Variants in CCT7 observed in about 807,000 individuals in gnomAD.
CCT7 encodes T-complex protein 1 subunit eta.
Under a neutral mutation model 56.6 loss-of-function variants are expected in CCT7, and 16 were observed. The observed-to-expected ratio is 0.28, with a 90% CI of 0.19 to 0.43. The LOEUF (loss-of-function observed/expected upper bound fraction) is 0.43, where lower values mean the gene tolerates loss of function less well. CCT7 is among the 20% of genes least tolerant of loss of function. CCT7 has a pLI of 1.00. For missense variants in CCT7, 519 were observed against 685.6 expected, an observed-to-expected ratio of 0.76 and a Z score of 2.71; for synonymous variants, 262 against 254.8, an observed-to-expected ratio of 1.03 and a Z score of -0.27.
At chr2:73,252,347 AT>A (rs1687630083) in intron 11 of CCT7, among the ~76,000 whole-genome samples, 1 of 148,786 alleles carries the variant, frequency 6.7e-6, no homozygotes, top group Non-Finnish European at 1.5e-5. Flanking sequence ...ATATATATAT[AT>A]ATAGTCCTCA....
chr2:73,243,155 C>T lies in CCT7; in HGVS notation c.393+26C>T, dbSNP rs1343433196. The T allele has an allele frequency of 5.0e-6, 8 of 1,609,536 alleles. No homozygotes were observed. In the African/African-American group the frequency reaches 6.7e-5, roughly 13 times the overall value. On this transcript the variant is annotated intron_variant, in intron 4 of 11. Coordinates refer to ENST00000258091, the MANE Select transcript of CCT7 (RefSeq NM_006429.4). ...GTATGGCAGTACTGATTAACCTTCTCTTGGGCCTGGACACCTTCACATTTC... is the reference window on the plus strand; with the variant it reads ...GTATGGCAGTACTGATTAACCTTCTTTTGGGCCTGGACACCTTCACATTTC...
intron 11 of CCT7, 98 bp from the exon 12 acceptor site, chr2:73,252,534 TTCAGAGAG>T: frequency 3.5e-6 from 3 of 850,196 alleles, no homozygotes; most frequent in Non-Finnish European, 5.7e-6. Context: ...TGCCACCAAG[TTCAGAGAG>T]TCTGCGGGTT....
intron 1 of CCT7, 192 bp from the exon 2 acceptor site, chr2:73,239,451 G>T (rs573118525): frequency 3.5e-6 from 2 of 578,600 alleles, no homozygotes; most frequent in Non-Finnish European, 6.1e-6. Context: ...TGCAGGGTAG[G>T]CTAAATTTGA....
chr2:73,234,540 C>T (rs2103747959), intron 1 of CCT7, among the ~76,000 whole-genome samples, 156 bp downstream of exon 1: 1 of 152,348 alleles, frequency 6.6e-6, no homozygotes, highest in South Asian at 2.1e-4. Context: ...CAGCCGCGGC[C>T]TGGCTCGGCC....
At chr2:73,234,510 A>G in intron 1 of CCT7, 126 bp downstream of exon 1, 1 of 1,160,570 alleles carries the variant, frequency 8.6e-7, no homozygotes, top group Non-Finnish European at 1.2e-6. Context: ...CCAGATCCCC[A>G]GCTTAGGGGC....
chr2:73,234,687 C>T (rs758680568), intron 1 of CCT7, among the ~76,000 whole-genome samples: 8 of 152,228 alleles, frequency 5.3e-5, no homozygotes, highest in Admixed American at 3.3e-4. Flanking sequence ...TTTAGCCCCG[C>T]ATGATCGGGA....
chr2:73,234,682 C>T (rs1217209224), intron 1 of CCT7, among the ~76,000 whole-genome samples: 3 of 152,198 alleles, frequency 2.0e-5, no homozygotes, highest in Non-Finnish European at 4.4e-5. Context: ...TCTTTTTTAG[C>T]CCCGCATGAT....
intron 1 of CCT7, among the ~76,000 whole-genome samples, chr2:73,236,635 G>A (rs1314870005): frequency 6.6e-6 from 1 of 152,132 alleles, no homozygotes; most frequent in South Asian, 2.1e-4. Flanking sequence ...CACCGCACCC[G>A]ACCTTGTTTC....
chr2:73,235,220 TTC>T (rs1686825353), intron 1 of CCT7, among the ~76,000 whole-genome samples: 1 of 152,180 alleles, frequency 6.6e-6, no homozygotes, highest in South Asian at 2.1e-4. Context: ...CACACTTCTT[TTC>T]TCTGTCTCTC....
At position 73,239,606 on chromosome 2, in the gene CCT7, A is replaced by G. The variant is rs377610448; in HGVS notation, c.7-37A>G. ...TCCCCTGCCAGTCTCATTATAATAG[A>G]TGATTATTAAAAGCAGTTAATTTCT... is the stretch of plus-strand genomic sequence containing the variant. On this transcript the variant is annotated intron_variant, in intron 1 of 11. Coordinates refer to ENST00000258091, the MANE Select transcript of CCT7 (RefSeq NM_006429.4). The G allele has an allele frequency of 1.7e-3, 2,691 of 1,592,008 alleles. 5 individuals carry two copies. The highest frequency in any genetic ancestry group is 2.3e-3 in the South Asian group (209 of 89,992).
intron 4 of CCT7, chr2:73,243,794 T>C (rs1304858767): frequency 3.4e-6 from 2 of 593,750 alleles, no homozygotes; most frequent in Non-Finnish European, 6.0e-6. Flanking sequence ...ATACCCACTC[T>C]GCATTTCTGA....
At chr2:73,241,638 C>T (rs1243190211) in intron 3 of CCT7, among the ~76,000 whole-genome samples, 1 of 152,020 alleles carries the variant, frequency 6.6e-6, no homozygotes, top group African/African-American at 2.4e-5. Flanking sequence ...TTAGAAAGCT[C>T]TTTTTCTTTT....
intron 7 of CCT7, 51 bp from the exon 8 acceptor site, chr2:73,248,940 T>C: frequency 6.7e-7 from 1 of 1,483,028 alleles, no homozygotes; most frequent in Non-Finnish European, 9.3e-7. Flanking sequence ...CCCTACCGTA[T>C]ATGTCAACCT....
chr2:73,250,656 G>A (rs1178086291), intron 10 of CCT7, among the ~76,000 whole-genome samples: 1 of 152,014 alleles, frequency 6.6e-6, no homozygotes, highest in Non-Finnish European at 1.5e-5. Flanking sequence ...TGTTCTTTTA[G>A]CCGGGCGTGG....
At position 73,240,487 on chromosome 2, in the gene CCT7, G is replaced by A. The variant is rs11544995; in HGVS notation, c.211G>A (p.Val71Ile). Residue 71 changes from valine to isoleucine, a missense_variant, in exon 3 of 12, where the codon GTT becomes ATT. Physicochemically the swap from Val to Ile is conservative, Grantham distance 29. Transcript: ENST00000258091. ...DGATILKLLD[V>I]VHPAAKTLVD... is the part of the protein sequence containing the mutation. ...GGCCACAATTCTGAAACTTCTTGAT[G>A]TTGTCCATCCTGCAGCAAAGACTTT... 1.2e-6 allele frequency: 2 copies of A among 1,612,372 alleles called. No individual in the cohort carries two copies. Among genetic ancestry groups the A allele is most frequent in the Non-Finnish European group, 1.7e-6 (2 of 1,179,022 alleles).
chr2:73,239,604 A>C (rs1458682300), intron 1 of CCT7, 39 bp from the exon 2 acceptor site: 4 of 1,586,284 alleles, frequency 2.5e-6, no homozygotes, highest in Non-Finnish European at 3.5e-6. Context: ...TCATTATAAT[A>C]GATGATTATT....
rs1286979820 is a variant in CCT7 at position 73,247,841 on chromosome 2, A to G, written c.698A>G (p.His233Arg). 1.9e-6 allele frequency: 3 copies of G among 1,614,056 alleles called. No individual in the cohort carries two copies. The highest frequency in any genetic ancestry group is 2.5e-6 in the Non-Finnish European group (3 of 1,180,030). Reference protein sequence around the residue: ...AGFEMQPKKYHNPKIALLNVE... With the variant: ...AGFEMQPKKYRNPKIALLNVE... The stretch of plus-strand genomic sequence containing the variant: ...TTTGAAATGCAACCCAAAAAGTACC[A>G]CAATCCCAAGATTGCCCTTTTGAAT... The change falls in exon 7 of 12, where the codon CAC (histidine) becomes CGC (arginine). Residue 233 changes from histidine (H) to arginine (R), a missense_variant. Physicochemically the swap from His to Arg is conservative, Grantham distance 29 (BLOSUM62 0). Around this residue, in one of 3 missense-constraint regions of CCT7, gnomAD observed 276 missense variants for 357.3 expected, o/e 0.77. Coordinates refer to ENST00000258091, the MANE Select transcript of CCT7 (RefSeq NM_006429.4).
In CCT7 at chr2:73,249,075, T is replaced by A; in HGVS notation, c.868T>A (p.Leu290Met). The A allele has an allele frequency of 6.2e-7, 1 of 1,614,206 alleles. No individual in the cohort carries two copies. Among genetic ancestry groups the A allele is most frequent in the Non-Finnish European group, 8.5e-7 (1 of 1,180,030 alleles). Reference sequence around the variant, plus strand: ...CCATCATTCTGGAGCCAAAGTTGTCTTGTCCAAACTCCCCATTGGGGATGT... The same window carrying A: ...CCATCATTCTGGAGCCAAAGTTGTCATGTCCAAACTCCCCATTGGGGATGT... ...KIHHSGAKVVLSKLPIGDVAT... is the reference protein window; with the variant it reads ...KIHHSGAKVVMSKLPIGDVAT... Residue 290 changes from leucine (L) to methionine (M), a missense_variant, in exon 8 of 12, where the codon TTG (leucine) becomes ATG (methionine). Around this residue, in one of 3 missense-constraint regions of CCT7, gnomAD observed 276 missense variants for 357.3 expected, o/e 0.77. Transcript: ENST00000258091.
At chr2:73,241,033 CTTTTT>C (rs35842378) in intron 3 of CCT7, among the ~76,000 whole-genome samples, 2 of 127,450 alleles carry the variant, frequency 1.6e-5, no homozygotes, top group African/African-American at 3.0e-5. Flanking sequence ...CTACACCAGG[CTTTTT>C]TTTTTTTTTT....
Sources: gnomAD v4.1 joint callset for allele counts (sites outside exome capture counted in the v4.1 genomes callset) on GRCh38, gnomAD v4.1.1 for gene constraint, gnomAD v4.1.1 regional missense constraint, MANE v1.5 for transcripts, NCBI Gene and HGNC (gene_info 2026-07-23, HGNC 2026-07-21) for gene names.